Variants in CDH2 observed in about 807,000 individuals in gnomAD.
CDH2 encodes cadherin-2.
In CDH2, 17 loss-of-function variants were observed where a neutral mutation model predicts 92.0. The ratio of observed to expected loss-of-function variants is 0.18; its 90% CI spans 0.13 to 0.28. The LOEUF (loss-of-function observed/expected upper bound fraction) is 0.28, where lower values mean the gene tolerates loss of function less well. Ranked by LOEUF, CDH2 falls within the 10% of genes least tolerant of loss-of-function variation. The probability of loss-of-function intolerance (pLI) is 1.00; values close to 1 mark genes in which losing one functional copy is unlikely to be tolerated. For synonymous variants in CDH2, 419 were observed against 415.9 expected, an observed-to-expected ratio of 1.01 and a Z score of -0.09; for missense variants, 862 against 1,133.1, an observed-to-expected ratio of 0.76 and a Z score of 3.44.
intron 2 of CDH2, among the ~76,000 whole-genome samples, chr18:28,066,083 G>A (rs1210151072): frequency 1.3e-5 from 2 of 152,082 alleles, no homozygotes; most frequent in Non-Finnish European, 2.9e-5. Flanking sequence ...TACGACTTGC[G>A]TGTTCATTTG....
At chr18:28,031,337 A>G (rs2013690300) in intron 2 of CDH2, among the ~76,000 whole-genome samples, 1 of 151,924 alleles carries the variant, frequency 6.6e-6, no homozygotes, top group Admixed American at 6.6e-5. Flanking sequence ...AAGACGACCA[A>G]TTCTCATCAC....
chr18:28,129,219 T>C (rs1288247482), intron 2 of CDH2, among the ~76,000 whole-genome samples: 2 of 152,218 alleles, frequency 1.3e-5, no homozygotes, highest in African/African-American at 4.8e-5. Flanking sequence ...AGGTGATGCA[T>C]TGCTAATGCT....
intron 6 of CDH2, among the ~76,000 whole-genome samples, 155 bp from the exon 7 acceptor site, chr18:28,003,324 A>C (rs1053563121): frequency 2.0e-5 from 3 of 152,214 alleles, no homozygotes; most frequent in African/African-American, 7.2e-5. Flanking sequence ...TACTCATAAG[A>C]ACAGTACTTA....
intron 1 of CDH2, among the ~76,000 whole-genome samples, chr18:28,175,586 C>T (rs1383514048): frequency 6.6e-6 from 1 of 152,154 alleles, no homozygotes; most frequent in Non-Finnish European, 1.5e-5. Context: ...CTGCGGAGGC[C>T]AGCCCCGTCC....
chr18:28,022,033 G>A (rs201007606), intron 2 of CDH2, among the ~76,000 whole-genome samples: 1 of 143,446 alleles, frequency 7.0e-6, no homozygotes, highest in African/African-American at 2.7e-5. Context: ...AAGGTAGGGA[G>A]AAACTGCCAC....
intron 2 of CDH2, among the ~76,000 whole-genome samples, chr18:28,073,308 A>G (rs887453554): frequency 9.9e-5 from 15 of 152,164 alleles, no homozygotes; most frequent in Non-Finnish European, 1.6e-4. Flanking sequence ...TCCATTGTCA[A>G]GGTTCCCATA....
chr18:28,170,923 C>CAAA (rs55875974), intron 1 of CDH2, among the ~76,000 whole-genome samples: 9 of 137,248 alleles, frequency 6.6e-5, no homozygotes, highest in Admixed American at 7.3e-5. Context: ...ATACCTGTAC[C>CAAA]AAAAAAAAAA....
At chr18:28,110,178 C>T (rs923655436) in intron 2 of CDH2, among the ~76,000 whole-genome samples, 1 of 152,216 alleles carries the variant, frequency 6.6e-6, no homozygotes, top group African/African-American at 2.4e-5. Flanking sequence ...ACAGGGACCT[C>T]TGCTGTTATC....
chr18:28,013,701 T>G lies in CDH2; in HGVS notation c.381A>C (p.Leu127Phe), dbSNP rs971731737. 1.2e-6 allele frequency: 2 copies of G among 1,612,306 alleles called. No homozygotes were observed. The highest frequency in any genetic ancestry group is 1.7e-5 in the Admixed American group (1 of 59,996). ...VAVKLSLKPT[L>F]TEESVKESAE... ...ACTATACCTTCACTGACTCCTCAGTTAAGGTTGGCTTCAGGCTCAATTTTA... is the reference window on the plus strand; with the variant it reads ...ACTATACCTTCACTGACTCCTCAGTGAAGGTTGGCTTCAGGCTCAATTTTA... The change falls in exon 3 of 16, where the codon TTA (leucine) becomes TTC (phenylalanine). Residue 127 changes from leucine (L) to phenylalanine (F), a missense_variant. Around this residue, in one of 5 missense-constraint regions of CDH2, gnomAD observed 159 missense variants for 177.2 expected, o/e 0.90. Transcript: ENST00000269141.
intron 10 of CDH2, 47 bp downstream of exon 10, chr18:27,990,050 A>G: frequency 1.3e-6 from 2 of 1,566,446 alleles, no homozygotes; most frequent in Non-Finnish European, 1.8e-6. Flanking sequence ...TATGCACAGC[A>G]TAGAACATAA....
At chr18:28,142,641 T>C (rs1454645005) in intron 2 of CDH2, among the ~76,000 whole-genome samples, 1 of 152,032 alleles carries the variant, frequency 6.6e-6, no homozygotes, top group Non-Finnish European at 1.5e-5. Flanking sequence ...ATTTCATTTT[T>C]TCCTCCTTAA....
chr18:27,970,207 T>C (rs2011622820), intron 14 of CDH2, among the ~76,000 whole-genome samples: 1 of 152,142 alleles, frequency 6.6e-6, no homozygotes, highest in African/African-American at 2.4e-5. Flanking sequence ...TCCAGTTACA[T>C]TCCTATAAAG....
chr18:28,024,868 A>G (rs574521297), intron 2 of CDH2, among the ~76,000 whole-genome samples: 2 of 152,216 alleles, frequency 1.3e-5, no homozygotes, highest in South Asian at 4.1e-4. Context: ...GAAAAAAGAA[A>G]TGAAAGCAAA....
chr18:28,029,694 T>C (rs931927053), intron 2 of CDH2, among the ~76,000 whole-genome samples: 2 of 152,096 alleles, frequency 1.3e-5, no homozygotes, highest in African/African-American at 2.4e-5. Context: ...TGTAACAGGA[T>C]GGCCATCTCA....
intron 6 of CDH2, among the ~76,000 whole-genome samples, chr18:27,940,592 CTAA>C (rs1909112654): frequency 1.3e-5 from 2 of 152,172 alleles, no homozygotes; most frequent in Admixed American, 1.3e-4. Context: ...CACCCTGAGA[CTAA>C]TGAGTGACTT....
intron 2 of CDH2, among the ~76,000 whole-genome samples, chr18:28,141,030 T>C (rs1403705712): frequency 6.6e-6 from 1 of 151,582 alleles, no homozygotes; most frequent in Non-Finnish European, 1.5e-5. Context: ...AGATAACAAG[T>C]GTTGATGAGT....
chr18:28,108,647 T>C (rs371098022), intron 2 of CDH2, among the ~76,000 whole-genome samples: 6 of 152,160 alleles, frequency 3.9e-5, no homozygotes, highest in African/African-American at 1.4e-4. Flanking sequence ...TATATGTAAA[T>C]TTCAATTACA....
Position 27,990,153 on chromosome 18 carries a change from G to A in CDH2, c.1542C>T (p.Thr514=). The change falls in exon 10 of 16, where the codon ACC becomes ACT. Residue 514 remains threonine (T), a synonymous_variant. Transcript: ENST00000269141. ...IRQEEGLHAG[T]MLTTFTAQDP... ...CCTGAGCAGTGAATGTTGTCAACAT[G>A]GTACCGGCATGAAGCCCTTCTTCTT... is the stretch of plus-strand genomic sequence containing the variant. 6.2e-7 allele frequency: 1 copy of A among 1,613,916 alleles called. No homozygotes were observed.
chr18:28,168,165 T>C (rs1598523326), intron 1 of CDH2, among the ~76,000 whole-genome samples: 1 of 152,222 alleles, frequency 6.6e-6, no homozygotes, highest in East Asian at 1.9e-4. Flanking sequence ...AAACAAGACA[T>C]TTCGTGCAAG....
Sources: allele counts gnomAD v4.1 joint callset (sites outside exome capture counted in the v4.1 genomes callset), GRCh38; gene constraint gnomAD v4.1.1; regional missense constraint gnomAD v4.1.1; transcripts MANE v1.5; gene names NCBI Gene and HGNC (gene_info 2026-07-23, HGNC 2026-07-21).